The following ZDHHC14 variants were observed in gnomAD, a reference collection of about 807,000 sequenced individuals.
ZDHHC14 encodes zDHHC palmitoyltransferase 14.
A neutral mutation model predicts 47.7 loss-of-function variants in ZDHHC14; 16 were observed. That is an observed-to-expected ratio of 0.34 (90% CI 0.23 to 0.51). The LOEUF is 0.51. ZDHHC14 is among the 20% of genes least tolerant of loss of function. The pLI is 0.97. For synonymous variants in ZDHHC14, 293 were observed against 278.9 expected, an observed-to-expected ratio of 1.05 and a Z score of -0.50; for missense variants, 515 against 662.5, an observed-to-expected ratio of 0.78 and a Z score of 2.44.
intron 3 of ZDHHC14, among the ~76,000 whole-genome samples, chr6:157,602,112 G>A (rs1784359497): frequency 6.6e-6 from 1 of 151,562 alleles, no homozygotes; most frequent in Non-Finnish European, 1.5e-5. Flanking sequence ...TTAGGCAGGA[G>A]AATTGCTTGA....
chr6:157,611,465 G>A (rs1784747144), intron 3 of ZDHHC14, among the ~76,000 whole-genome samples: 1 of 152,096 alleles, frequency 6.6e-6, no homozygotes, highest in Admixed American at 6.5e-5. Flanking sequence ...TTTTTGGAGA[G>A]AGCATCCCTG....
At chr6:157,395,478 T>C (rs977976390) in intron 1 of ZDHHC14, among the ~76,000 whole-genome samples, 6 of 151,952 alleles carry the variant, frequency 3.9e-5, no homozygotes, top group African/African-American at 1.5e-4. Context: ...TCCGTCTCTA[T>C]TGTTCCTTCA....
rs1247044642 is a variant in ZDHHC14, at chr6:157,677,300, C to G, written c.*4178C>G. On this transcript the variant is annotated 3_prime_UTR_variant, in exon 9 of 9. Transcript: ENST00000359775. ...GTTCCCTTAAAACGTCTCTCTCTCT[C>G]ATAAAACTAAGTTATCATTGAAATA... is the stretch of plus-strand genomic sequence containing the variant. 2 of 147,556 alleles carry G rather than the reference C, an allele frequency of 1.4e-5. No homozygotes were observed. Among genetic ancestry groups the G allele is most frequent in the African/African-American group, 4.9e-5 (2 of 40,424 alleles). 9.1% of individuals were successfully genotyped at this position (147,556 alleles called of 1,614,324 possible).
At chr6:157,638,491 C>G (rs1041238095) in intron 5 of ZDHHC14, among the ~76,000 whole-genome samples, 7 of 151,096 alleles carry the variant, frequency 4.6e-5, no homozygotes, top group Non-Finnish European at 1.0e-4. Context: ...AATGGAGAGA[C>G]TTCTCAAAAA....
chr6:157,669,448 G>A lies in ZDHHC14; in HGVS notation c.1069-3276G>A, dbSNP rs115094040. ...TCCCACAGGGAAGGTGAAAGAGACA[G>A]AGAGGGTTGGAAGGAGAGGAGCCCG... On this transcript the variant is annotated intron_variant, in intron 8 of 8. Coordinates refer to ENST00000359775, the MANE Select transcript of ZDHHC14 (RefSeq NM_024630.3). Among the ~76,000 whole-genome samples the A allele has an allele frequency of 7.6e-3, 1,154 of 152,290 alleles. 20 individuals carry two copies. The highest frequency in any genetic ancestry group is 0.026 in the African/African-American group (1,092 of 41,566).
intron 1 of ZDHHC14, among the ~76,000 whole-genome samples, chr6:157,460,734 A>G (rs907111111): frequency 6.6e-6 from 1 of 152,206 alleles, no homozygotes; most frequent in African/African-American, 2.4e-5. Context: ...ATGGAGGCAG[A>G]AATAATGTGA....
At chr6:157,628,592 C>T in intron 4 of ZDHHC14, 106 bp downstream of exon 4, 1 of 1,430,320 alleles carries the variant, frequency 7.0e-7, no homozygotes, top group Non-Finnish European at 9.5e-7. Context: ...CTTTCTCTTT[C>T]CCTTTCTTTC....
chr6:157,462,876 G>A (rs934196187), intron 1 of ZDHHC14, among the ~76,000 whole-genome samples: 1 of 152,350 alleles, frequency 6.6e-6, no homozygotes, highest in South Asian at 2.1e-4. Flanking sequence ...CATTAAGGGG[G>A]CTGGATGTTG....
At chr6:157,429,646 GA>G (rs1381656813) in intron 1 of ZDHHC14, among the ~76,000 whole-genome samples, 1 of 152,010 alleles carries the variant, frequency 6.6e-6, no homozygotes, top group Non-Finnish European at 1.5e-5. Context: ...GGAGAGCAAG[GA>G]GGAAAGAAAT....
intron 2 of ZDHHC14, among the ~76,000 whole-genome samples, chr6:157,559,623 T>C (rs750016043): frequency 6.6e-6 from 1 of 152,234 alleles, no homozygotes; most frequent in Non-Finnish European, 1.5e-5. Context: ...TTCTTCTCAT[T>C]CTCAGTTAAA....
Position 157,466,137 on chromosome 6 carries a change from C to T in ZDHHC14, c.246-76448C>T, listed in dbSNP as rs557716027. On this transcript the variant is annotated intron_variant, in intron 1 of 8. Transcript: ENST00000359775. ...ATTTCTTCTACCTTGGCCTGATCCT[C>T]AGCTGCCTCTCTGAGCGCACTCATG... is the stretch of plus-strand genomic sequence containing the variant. Among the ~76,000 whole-genome samples, 161 of 152,322 alleles carry T rather than the reference C, an allele frequency of 1.1e-3. 1 individual carries two copies. The highest frequency in any genetic ancestry group is 1.3e-3 in the Non-Finnish European group (88 of 68,034).
chr6:157,622,657 T>C (rs1583032345), intron 3 of ZDHHC14, among the ~76,000 whole-genome samples: 1 of 152,196 alleles, frequency 6.6e-6, no homozygotes, highest in East Asian at 1.9e-4. Context: ...AGCTGATCCA[T>C]GTGAACTGTT....
chr6:157,412,618 T>C (rs1454716551), intron 1 of ZDHHC14, among the ~76,000 whole-genome samples: 1 of 152,130 alleles, frequency 6.6e-6, no homozygotes, highest in Admixed American at 6.5e-5. Flanking sequence ...GCAGTGGGAA[T>C]TGTCTTAGCT....
Position 157,674,670 on chromosome 6 carries a change from A to T in ZDHHC14, c.*1548A>T, listed in dbSNP as rs1178454756. ...CCAAGTGATTTGCATTTATGGAAAA[A>T]GGCTATTACTCCTGAGAAAGAGTTG... On this transcript the variant is annotated 3_prime_UTR_variant, in exon 9 of 9. Transcript: ENST00000359775. 6.6e-6 allele frequency: 1 copy of T among 152,360 alleles called. No individual in the cohort carries two copies. Among genetic ancestry groups the T allele is most frequent in the Non-Finnish European group, 1.5e-5 (1 of 68,036 alleles). 9.4% of individuals were successfully genotyped at this position (152,360 alleles called of 1,614,324 possible).
intron 1 of ZDHHC14, among the ~76,000 whole-genome samples, chr6:157,456,199 A>G (rs1352903169): frequency 2.0e-5 from 3 of 152,144 alleles, no homozygotes; most frequent in African/African-American, 4.8e-5. Context: ...GTGGCCCTAG[A>G]TTCTGACAGA....
In ZDHHC14 at chr6:157,447,043, C is replaced by T. The variant is rs534392356; in HGVS notation, c.245+64777C>T. On this transcript the variant is annotated intron_variant, in intron 1 of 8. Coordinates refer to ENST00000359775, the MANE Select transcript of ZDHHC14 (RefSeq NM_024630.3). ...TTGAGGCAGGAGAATCGCTTGAACC[C>T]GGGACGTGGAGGTTGCAGTGAGCTG... 7.2e-5 allele frequency among the ~76,000 whole-genome samples: 11 copies of T among 151,900 alleles called. No individual in the cohort carries two copies. In the South Asian group the frequency reaches 1.0e-3, roughly 14 times the overall value.
intron 1 of ZDHHC14, among the ~76,000 whole-genome samples, chr6:157,535,362 T>C (rs1781509956): frequency 6.6e-6 from 1 of 152,174 alleles, no homozygotes; most frequent in East Asian, 1.9e-4. Flanking sequence ...CTCGGTAGGG[T>C]GACCTTCACC....
chr6:157,592,802 AC>A (rs1783965349), intron 2 of ZDHHC14, 185 bp from the exon 3 acceptor site: 2 of 1,412,952 alleles, frequency 1.4e-6, no homozygotes, highest in African/African-American at 2.9e-5. Flanking sequence ...CACGTGTGCA[AC>A]GAAGGAGGCC....
chr6:157,507,206 G>T (rs748325959), intron 1 of ZDHHC14, among the ~76,000 whole-genome samples: 18 of 151,314 alleles, frequency 1.2e-4, no homozygotes, highest in Non-Finnish European at 2.1e-4. Flanking sequence ...AAATTATTTT[G>T]CACATGTAAA....
Sources: gnomAD v4.1 joint callset for allele counts (sites outside exome capture counted in the v4.1 genomes callset) on GRCh38, gnomAD v4.1.1 for gene constraint, MANE v1.5 for transcripts, NCBI Gene and HGNC (gene_info 2026-07-23, HGNC 2026-07-21) for gene names.